Variants in PSMD14 observed in about 807,000 individuals in gnomAD.
The protein encoded by PSMD14 is ubiquitin C-terminal hydrolase PSMD14.
In PSMD14, 7 loss-of-function variants were observed where a neutral mutation model predicts 41.2. The observed-to-expected ratio is 0.17, with a 90% CI of 0.10 to 0.32. The LOEUF is 0.32. Among genes scored for constraint, PSMD14 ranks in the 10% least tolerant of loss-of-function variants. The pLI, the probability that PSMD14 is intolerant of heterozygous loss-of-function variation, is 1.00. For missense variants in PSMD14, 139 were observed against 375.6 expected, an observed-to-expected ratio of 0.37 and a Z score of 5.21; for synonymous variants, 114 against 122.3, an observed-to-expected ratio of 0.93 and a Z score of 0.45.
At chr2:161,389,137 TC>T (rs1219474552) in intron 8 of PSMD14, among the ~76,000 whole-genome samples, 1 of 152,172 alleles carries the variant, frequency 6.6e-6, no homozygotes, top group Non-Finnish European at 1.5e-5. Flanking sequence ...AGTTAATATT[TC>T]ATTAGTACAG....
intron 10 of PSMD14, chr2:161,408,320 ATTTGT>A (rs1342065335): frequency 6.5e-6 from 1 of 154,404 alleles, no homozygotes; most frequent in Non-Finnish European, 1.4e-5. Context: ...AACCCATGTG[ATTTGT>A]TTAGTGGATC....
At chr2:161,347,656 G>T (rs769575932) in intron 3 of PSMD14, among the ~76,000 whole-genome samples, 2 of 152,144 alleles carry the variant, frequency 1.3e-5, no homozygotes, top group Non-Finnish European at 2.9e-5. Context: ...TTGCTTTATG[G>T]ATACTTAAAA....
At position 161,308,485 on chromosome 2, in the gene PSMD14, C is replaced by G. The variant is rs1044473277; in HGVS notation, c.-257C>G. The G allele has an allele frequency of 1.3e-5, 2 of 152,278 alleles. No individual in the cohort carries two copies. The highest frequency in any genetic ancestry group is 2.9e-5 in the Non-Finnish European group (2 of 68,096). 9.4% of individuals were successfully genotyped at this position (152,278 alleles called of 1,614,324 possible). A position where few individuals can be genotyped will look rare whatever the true frequency, so the allele number is the denominator to read the frequency against. Reference sequence around the variant, plus strand: ...GAATGGAATCGGGCTGATTCATCGCCGGTTTGCAGACAGAGCCGCGTCGGG... The same window carrying G: ...GAATGGAATCGGGCTGATTCATCGCGGGTTTGCAGACAGAGCCGCGTCGGG... On this transcript the variant is annotated 5_prime_UTR_variant, in exon 1 of 12. Coordinates refer to ENST00000409682, the MANE Select transcript of PSMD14 (RefSeq NM_005805.6).
intron 7 of PSMD14, among the ~76,000 whole-genome samples, chr2:161,377,759 C>T (rs1384777071): frequency 3.3e-5 from 5 of 151,820 alleles, no homozygotes; most frequent in Non-Finnish European, 7.4e-5. Flanking sequence ...AGTAAAAATA[C>T]ATCATTCATT....
chr2:161,343,577 C>T (rs1221758770), intron 3 of PSMD14, among the ~76,000 whole-genome samples: 1 of 152,188 alleles, frequency 6.6e-6, no homozygotes, highest in Admixed American at 6.5e-5. Flanking sequence ...CCTGTAAACC[C>T]TGCACTTTGG....
chr2:161,314,132 A>G (rs1413623642), intron 1 of PSMD14, among the ~76,000 whole-genome samples: 4 of 152,234 alleles, frequency 2.6e-5, no homozygotes, highest in African/African-American at 7.2e-5. Context: ...AATTAGTCCA[A>G]TGATTTTTAA....
intron 3 of PSMD14, among the ~76,000 whole-genome samples, chr2:161,339,400 C>T (rs945486797): frequency 4.0e-5 from 6 of 151,530 alleles, no homozygotes; most frequent in African/African-American, 1.5e-4. Context: ...TGATGGTGAG[C>T]ATCTTTTTAT....
At chr2:161,390,472 A>C (rs1683697179) in intron 8 of PSMD14, among the ~76,000 whole-genome samples, 1 of 152,116 alleles carries the variant, frequency 6.6e-6, no homozygotes, top group African/African-American at 2.4e-5. Flanking sequence ...TTCTTAATAA[A>C]GCCATGCTAT....
chr2:161,332,204 T>C (rs1682803678), intron 3 of PSMD14, among the ~76,000 whole-genome samples: 2 of 152,240 alleles, frequency 1.3e-5, no homozygotes, highest in African/African-American at 4.8e-5. Context: ...AAGGAATTTG[T>C]GAATATTTCA....
rs1162637393 is a variant in PSMD14 at position 161,389,889 on chromosome 2, GTTTTTT to G, written c.571-1197_571-1192del. ...TGTCTTATTTTCTTTCTTTTTTGTTGTTTTTTTTTTTTTTTTTTTTTTTAGAGATGG... is the reference window on the plus strand; with the variant it reads ...TGTCTTATTTTCTTTCTTTTTTGTTGTTTTTTTTTTTTTTTTTAGAGATGG... On this transcript the variant is annotated intron_variant, in intron 8 of 11. Transcript: ENST00000409682. 1.0e-3 allele frequency among the ~76,000 whole-genome samples: 20 copies of G among 20,050 alleles called. 3 individuals carry two copies. In the South Asian group the frequency reaches 0.011, roughly 11 times the overall value. 13.2% of individuals were successfully genotyped at this position (20,050 alleles called of 152,430 possible). A position where few individuals can be genotyped will look rare whatever the true frequency, so the allele number is the denominator to read the frequency against.
At chr2:161,339,793 T>C (rs1363066674) in intron 3 of PSMD14, among the ~76,000 whole-genome samples, 2 of 152,288 alleles carry the variant, frequency 1.3e-5, no homozygotes, top group African/African-American at 4.8e-5. Flanking sequence ...CCCTAAGCCC[T>C]GAACCAAAGG....
intron 3 of PSMD14, among the ~76,000 whole-genome samples, chr2:161,332,458 G>A (rs1216221233): frequency 1.3e-5 from 2 of 152,108 alleles, no homozygotes; most frequent in African/African-American, 4.8e-5. Flanking sequence ...GTTGTACCTT[G>A]ACTTGTAATA....
intron 3 of PSMD14, among the ~76,000 whole-genome samples, chr2:161,326,863 A>G (rs1337626161): frequency 2.0e-5 from 3 of 152,194 alleles, no homozygotes; most frequent in Admixed American, 1.3e-4. Context: ...TGCTTAATAC[A>G]GTGTAAATGC....
chr2:161,403,632 C>T (rs762143998), intron 10 of PSMD14, among the ~76,000 whole-genome samples: 2 of 152,010 alleles, frequency 1.3e-5, no homozygotes, highest in African/African-American at 2.4e-5. Flanking sequence ...AGGTCCAAAC[C>T]CCATTTGGCT....
intron 9 of PSMD14, among the ~76,000 whole-genome samples, chr2:161,394,478 C>T (rs1185225625): frequency 2.6e-5 from 4 of 152,120 alleles, no homozygotes; most frequent in Non-Finnish European, 4.4e-5. Context: ...GGGCATTTAT[C>T]TCGTTATCTT....
chr2:161,380,178 T>C (rs1683555245), intron 7 of PSMD14, among the ~76,000 whole-genome samples: 1 of 152,020 alleles, frequency 6.6e-6, no homozygotes, highest in Admixed American at 6.6e-5. Flanking sequence ...GTTAAATAAC[T>C]TGTTAGAGGT....
Position 161,391,096 on chromosome 2 carries a change from C to T in PSMD14, c.571-8C>T, listed in dbSNP as rs370354697. On this transcript the variant is annotated splice_region_variant and splice_polypyrimidine_tract_variant and intron_variant, in intron 8 of 11. Coordinates refer to ENST00000409682, the MANE Select transcript of PSMD14 (RefSeq NM_005805.6). ...ATTTGTCCTTTTTAAAATCATTTATCTATATAGGCATTAATTCATGGACTA... is the reference window on the plus strand; with the variant it reads ...ATTTGTCCTTTTTAAAATCATTTATTTATATAGGCATTAATTCATGGACTA... 68 of 1,475,566 alleles carry T rather than the reference C, an allele frequency of 4.6e-5. No homozygotes were observed. The highest frequency in any genetic ancestry group is 5.3e-5 in the Non-Finnish European group (59 of 1,111,210). The allele number at this position is 1,475,566 out of a possible 1,614,324, so 91.4% of individuals were successfully genotyped here.
intron 3 of PSMD14, among the ~76,000 whole-genome samples, chr2:161,346,306 T>C (rs1200975111): frequency 6.6e-6 from 1 of 152,190 alleles, no homozygotes; most frequent in Non-Finnish European, 1.5e-5. Context: ...CTCTCTGAAC[T>C]CACCCCCTGC....
chr2:161,402,987 T>C (rs1372376127), intron 10 of PSMD14, among the ~76,000 whole-genome samples: 1 of 152,220 alleles, frequency 6.6e-6, no homozygotes, highest in Non-Finnish European at 1.5e-5. Context: ...GTTTGGTGGT[T>C]CCTCAAAAAG....
Sources: allele counts gnomAD v4.1 joint callset (sites outside exome capture counted in the v4.1 genomes callset), GRCh38; gene constraint gnomAD v4.1.1; transcripts MANE v1.5; gene names NCBI Gene and HGNC (gene_info 2026-07-23, HGNC 2026-07-21).